Variants in TRPC6 observed in about 807,000 individuals in gnomAD.
TRPC6 encodes the protein short transient receptor potential channel 6.
A neutral mutation model predicts 90.7 loss-of-function variants in TRPC6; 55 were observed. The ratio of observed to expected loss-of-function variants is 0.61; its 90% CI spans 0.49 to 0.76. TRPC6 has a LOEUF of 0.76. Ranked by LOEUF, TRPC6 falls within the 30% of genes least tolerant of loss-of-function variation. TRPC6 has a pLI of 0.00. For missense variants in TRPC6, 989 were observed against 1,122.7 expected, an observed-to-expected ratio of 0.88 and a Z score of 1.70; for synonymous variants, 393 against 393.0, an observed-to-expected ratio of 1.00 and a Z score of 0.00.
At chr11:101,528,954 A>G (rs1363706569) in intron 1 of TRPC6, among the ~76,000 whole-genome samples, 2 of 152,064 alleles carry the variant, frequency 1.3e-5, no homozygotes, top group Non-Finnish European at 2.9e-5. Flanking sequence ...CAACTAATGA[A>G]TGCACAGCCA....
chr11:101,473,263 G>C (rs1859335643), intron 7 of TRPC6, among the ~76,000 whole-genome samples: 1 of 152,006 alleles, frequency 6.6e-6, no homozygotes, highest in East Asian at 1.9e-4. Context: ...GTGAAATAGA[G>C]ATAATAAAGG....
chr11:101,465,495 C>T (rs1364351781), intron 10 of TRPC6, among the ~76,000 whole-genome samples: 2 of 151,924 alleles, frequency 1.3e-5, no homozygotes, highest in Non-Finnish European at 2.9e-5. Flanking sequence ...CCTTTTCATT[C>T]TTTTTTTTCT....
intron 2 of TRPC6, among the ~76,000 whole-genome samples, chr11:101,492,429 G>GA (rs1226569195): frequency 2.6e-5 from 4 of 151,978 alleles, no homozygotes; most frequent in Non-Finnish European, 5.9e-5. Flanking sequence ...AAAAAATACA[G>GA]AAAAAATTAG....
intron 1 of TRPC6, among the ~76,000 whole-genome samples, chr11:101,540,829 G>GT (rs1861151087): frequency 6.6e-6 from 1 of 152,076 alleles, no homozygotes; most frequent in African/African-American, 2.4e-5. Flanking sequence ...ACTCAATTTT[G>GT]TGAGTTTTTA....
At chr11:101,491,510 C>T (rs1400756902) in intron 3 of TRPC6, 46 bp downstream of exon 3, 1 of 1,608,704 alleles carries the variant, frequency 6.2e-7, no homozygotes, top group South Asian at 1.1e-5. Context: ...TATTTAGCAC[C>T]AACAAGAACC....
At chr11:101,536,961 G>A (rs1861063403) in intron 1 of TRPC6, among the ~76,000 whole-genome samples, 2 of 152,182 alleles carry the variant, frequency 1.3e-5, no homozygotes, top group Admixed American at 6.5e-5. Flanking sequence ...ATGAATTTGA[G>A]AAATCTTGGA....
chr11:101,458,963 T>C (rs1429421851), intron 10 of TRPC6, among the ~76,000 whole-genome samples: 3 of 152,200 alleles, frequency 2.0e-5, no homozygotes, highest in Admixed American at 6.5e-5. Context: ...CATGAGAGTT[T>C]TTCTTAGTAT....
At chr11:101,521,839 G>A (rs868631541) in intron 1 of TRPC6, among the ~76,000 whole-genome samples, 1 of 152,282 alleles carries the variant, frequency 6.6e-6, no homozygotes, top group Middle Eastern at 3.4e-3. Context: ...GCCCCGCTGG[G>A]TTTCAGACTT....
intron 1 of TRPC6, among the ~76,000 whole-genome samples, chr11:101,544,169 A>C (rs554531651): frequency 2.0e-3 from 310 of 152,296 alleles, no homozygotes; most frequent in African/African-American, 7.0e-3. Flanking sequence ...GCAAATCAAA[A>C]CCACAATGAG....
intron 1 of TRPC6, among the ~76,000 whole-genome samples, chr11:101,561,414 T>C (rs965236071): frequency 6.6e-6 from 1 of 152,190 alleles, no homozygotes; most frequent in Non-Finnish European, 1.5e-5. Flanking sequence ...ATAAATTGTA[T>C]ACATGAGTTC....
At chr11:101,528,590 A>C (rs1860837386) in intron 1 of TRPC6, among the ~76,000 whole-genome samples, 1 of 152,192 alleles carries the variant, frequency 6.6e-6, no homozygotes, top group Non-Finnish European at 1.5e-5. Flanking sequence ...TGTGTATATT[A>C]CTATTGTATT....
intron 1 of TRPC6, among the ~76,000 whole-genome samples, chr11:101,567,896 T>C (rs570320847): frequency 6.6e-6 from 1 of 152,024 alleles, no homozygotes; most frequent in Non-Finnish European, 1.5e-5. Context: ...GGTAGATAAA[T>C]CCACAAAGAT....
chr11:101,530,354 TTGTCTCCAGTGCCCTTCAATTG>T (rs1249278995), intron 1 of TRPC6, among the ~76,000 whole-genome samples: 7 of 151,952 alleles, frequency 4.6e-5, no homozygotes, highest in Admixed American at 1.3e-4. Context: ...GCTCAGAAAT[TTGTCTCCAGTGCCCTTCAATTG>T]TGATCCGTGA....
chr11:101,503,257 A>G (rs983429811), intron 2 of TRPC6, among the ~76,000 whole-genome samples: 1 of 152,106 alleles, frequency 6.6e-6, no homozygotes, highest in African/African-American at 2.4e-5. Context: ...CTCTCCAGAT[A>G]CCTCTTATTA....
chr11:101,455,637 A>G (rs1858866171), intron 10 of TRPC6: 1 of 152,552 alleles, frequency 6.6e-6, no homozygotes. Flanking sequence ...AGCACTTTTC[A>G]AATTAAAATA....
rs1465653312 is a variant in TRPC6, at chr11:101,452,336, A to G, written c.*619T>C. ...GTTTCCAGGGTTCAGTGGAGGAAAAACTTTTTTCATTGTTAAGTGTAATGT... is the reference window on the plus strand; with the variant it reads ...GTTTCCAGGGTTCAGTGGAGGAAAAGCTTTTTTCATTGTTAAGTGTAATGT... On this transcript the variant is annotated 3_prime_UTR_variant, in exon 13 of 13. Transcript: ENST00000344327. 6.5e-6 allele frequency: 1 copy of G among 153,346 alleles called. No homozygotes were observed. Among genetic ancestry groups the G allele is most frequent in the Admixed American group, 6.5e-5 (1 of 15,458 alleles). 9.5% of individuals were successfully genotyped at this position (153,346 alleles called of 1,614,324 possible). A position where few individuals can be genotyped will look rare whatever the true frequency, so the allele number is the denominator to read the frequency against.
chr11:101,464,149 T>C (rs1859080296), intron 10 of TRPC6, among the ~76,000 whole-genome samples: 1 of 152,174 alleles, frequency 6.6e-6, no homozygotes, highest in South Asian at 2.1e-4. Context: ...TGCACTGTGG[T>C]CTGAGAGACC....
chr11:101,477,412 A>T (rs537402026), intron 5 of TRPC6, among the ~76,000 whole-genome samples: 36 of 152,124 alleles, frequency 2.4e-4, no homozygotes, highest in Non-Finnish European at 2.6e-4. Flanking sequence ...AAAAATCTTT[A>T]TATTGTAATG....
chr11:101,518,525 A>G (rs1860575273), intron 1 of TRPC6, among the ~76,000 whole-genome samples: 1 of 152,230 alleles, frequency 6.6e-6, no homozygotes. Context: ...AATGAATTAT[A>G]TCCAAAAGAC....
Sources: gnomAD v4.1 joint callset for allele counts (sites outside exome capture counted in the v4.1 genomes callset) on GRCh38, gnomAD v4.1.1 for gene constraint, MANE v1.5 for transcripts, NCBI Gene and HGNC (gene_info 2026-07-23, HGNC 2026-07-21) for gene names.